The following CCDC178 variants were observed in gnomAD, a reference collection of about 807,000 sequenced individuals.
The protein encoded by CCDC178 is coiled-coil domain-containing protein 178.
Under a neutral mutation model 117.4 loss-of-function variants are expected in CCDC178, and 126 were observed. The ratio of observed to expected loss-of-function variants is 1.07; its 90% CI spans 0.93 to 1.24. The LOEUF is 1.24. Among genes scored for constraint, CCDC178 ranks in the 50% most tolerant of loss-of-function variants. The probability of loss-of-function intolerance (pLI) is 0.00; values close to 1 mark genes in which losing one functional copy is unlikely to be tolerated. For missense variants in CCDC178, 1,030 were observed against 986.9 expected (o/e 1.04, Z -0.59); for synonymous variants, 283 against 313.4 (o/e 0.90, Z 1.02).
chr18:33,077,525 G>A (rs897305584), intron 21 of CCDC178, among the ~76,000 whole-genome samples: 2 of 151,906 alleles, frequency 1.3e-5, no homozygotes, highest in African/African-American at 4.8e-5. Context: ...ATATAGATAG[G>A]CCACTAGCTG....
intron 21 of CCDC178, among the ~76,000 whole-genome samples, chr18:33,056,538 T>TG (rs1038388895): frequency 2.8e-4 from 42 of 152,128 alleles, no homozygotes; most frequent in African/African-American, 9.4e-4. Flanking sequence ...GTCTGGAAGA[T>TG]GGGGAAAATG....
At chr18:33,204,673 TC>T in intron 20 of CCDC178, among the ~76,000 whole-genome samples, 1 of 152,244 alleles carries the variant, frequency 6.6e-6, no homozygotes, top group Non-Finnish European at 1.5e-5. Context: ...TGGAAAGAAA[TC>T]CCAAAATGTG....
chr18:33,330,442 A>G (rs1437302636), intron 10 of CCDC178, among the ~76,000 whole-genome samples: 3 of 152,086 alleles, frequency 2.0e-5, no homozygotes, highest in African/African-American at 7.2e-5. Flanking sequence ...TCTCATTTTG[A>G]CCCCTGGAAT....
intron 21 of CCDC178, among the ~76,000 whole-genome samples, chr18:32,980,413 T>C (rs1013861416): frequency 6.6e-6 from 1 of 151,032 alleles, no homozygotes; most frequent in African/African-American, 2.4e-5. Context: ...CTACTAAAAA[T>C]ACAAAAAATT....
At chr18:33,171,361 A>C (rs1006943673) in intron 20 of CCDC178, among the ~76,000 whole-genome samples, 26 of 152,342 alleles carry the variant, frequency 1.7e-4, no homozygotes, top group Middle Eastern at 3.4e-3. Flanking sequence ...GTCCTAAAGT[A>C]GGTATTGTGA....
chr18:33,261,094 TG>T (rs1260657135), intron 14 of CCDC178, among the ~76,000 whole-genome samples: 69 of 151,982 alleles, frequency 4.5e-4, no homozygotes, highest in African/African-American at 1.6e-3. Flanking sequence ...TTTGTTTGTT[TG>T]TTTGTTGAGA....
chr18:33,427,842 G>A (rs983320603), intron 2 of CCDC178, among the ~76,000 whole-genome samples: 14 of 152,194 alleles, frequency 9.2e-5, no homozygotes, highest in African/African-American at 2.4e-4. Flanking sequence ...CAGCCTTCAC[G>A]ATGTTAAATT....
At chr18:33,241,463 T>TA (rs1302305541) in intron 15 of CCDC178, among the ~76,000 whole-genome samples, 2 of 148,772 alleles carry the variant, frequency 1.3e-5, no homozygotes, top group Non-Finnish European at 3.0e-5. Context: ...TGTGTGTGTG[T>TA]GTGTGTAGAG....
chr18:32,988,072 C>T (rs1291725717), intron 21 of CCDC178, among the ~76,000 whole-genome samples: 2 of 105,742 alleles, frequency 1.9e-5, no homozygotes, highest in African/African-American at 3.6e-5. Flanking sequence ...AGTGAAAATC[C>T]GTCTCAAAAT....
At chr18:33,162,710 T>G (rs974461823) in intron 20 of CCDC178, among the ~76,000 whole-genome samples, 3 of 152,196 alleles carry the variant, frequency 2.0e-5, no homozygotes, top group African/African-American at 7.2e-5. Flanking sequence ...TGCATTAGTT[T>G]GCCAAGGATG....
At chr18:33,000,288 C>CA (rs1280463573) in intron 21 of CCDC178, among the ~76,000 whole-genome samples, 3 of 151,264 alleles carry the variant, frequency 2.0e-5, no homozygotes. Context: ...TGAAAATAAT[C>CA]AGAGGAGACA....
At chr18:32,981,764 C>T (rs1271797032) in intron 21 of CCDC178, among the ~76,000 whole-genome samples, 1 of 152,092 alleles carries the variant, frequency 6.6e-6, no homozygotes, top group Non-Finnish European at 1.5e-5. Flanking sequence ...ATCTGAAATA[C>T]TGAGTTTATA....
chr18:33,164,688 T>G (rs942910930), intron 20 of CCDC178, among the ~76,000 whole-genome samples: 3 of 152,168 alleles, frequency 2.0e-5, no homozygotes, highest in Non-Finnish European at 4.4e-5. Flanking sequence ...AGATGGATTC[T>G]CTTATCTGCT....
intron 9 of CCDC178, among the ~76,000 whole-genome samples, chr18:33,341,505 C>T (rs980207534): frequency 6.6e-6 from 1 of 152,154 alleles, no homozygotes; most frequent in African/African-American, 2.4e-5. Context: ...TTGGCTGTGT[C>T]TCCATTCAAG....
chr18:33,424,996 G>A lies in CCDC178; in HGVS notation c.-22-12886C>T, dbSNP rs754510534. ...CACATAGTTTAAAAATTGTGTCAAC[G>A]GGGCTTAAAACCTAGATGACTGATT... On this transcript the variant is annotated intron_variant, in intron 2 of 22. Transcript: ENST00000383096. Among the ~76,000 whole-genome samples, 8 of 152,108 alleles carry A rather than the reference G, an allele frequency of 5.3e-5. 1 individual carries two copies. Among genetic ancestry groups the A allele is most frequent in the Admixed American group, 3.9e-4 (6 of 15,270 alleles).
intron 22 of CCDC178, among the ~76,000 whole-genome samples, chr18:32,965,305 C>G (rs968768304): frequency 6.6e-6 from 1 of 151,860 alleles, no homozygotes; most frequent in Non-Finnish European, 1.5e-5. Context: ...AAACACACAA[C>G]TGAAATATAG....
chr18:33,220,525 T>G lies in CCDC178; in HGVS notation c.1932+2581A>C, dbSNP rs571696070. 3.9e-5 allele frequency among the ~76,000 whole-genome samples: 6 copies of G among 152,202 alleles called. No individual in the cohort carries two copies. In the East Asian group the frequency reaches 1.2e-3, roughly 29 times the overall value. On this transcript the variant is annotated intron_variant, in intron 18 of 22. Coordinates refer to ENST00000383096, the MANE Select transcript of CCDC178 (RefSeq NM_001105528.4). ...TTACTATACATAGTAGGTATTGGCA[T>G]GCATGAGTTTTGAGATTGGACAGAA...
intron 22 of CCDC178, among the ~76,000 whole-genome samples, chr18:32,953,254 A>G (rs1478078687): frequency 1.3e-5 from 2 of 152,222 alleles, no homozygotes; most frequent in Non-Finnish European, 2.9e-5. Context: ...CTAGTTCCTA[A>G]CAAGTGCAAC....
intron 14 of CCDC178, among the ~76,000 whole-genome samples, chr18:33,247,149 T>C (rs2059560971): frequency 6.6e-6 from 1 of 151,126 alleles, no homozygotes; most frequent in African/African-American, 2.4e-5. Context: ...AAAAGAGACC[T>C]GCTTATTTAG....
Sources: gnomAD v4.1 joint callset for allele counts (sites outside exome capture counted in the v4.1 genomes callset) on GRCh38, gnomAD v4.1.1 for gene constraint, MANE v1.5 for transcripts, NCBI Gene and HGNC (gene_info 2026-07-23, HGNC 2026-07-21) for gene names.